Variants in LUZP2 observed in about 807,000 individuals in gnomAD.
LUZP2 encodes leucine zipper protein 2.
LUZP2 carries 52 observed loss-of-function variants against 51.6 expected under a neutral mutation model. That is an observed-to-expected ratio of 1.01 (90% CI 0.81 to 1.27). LUZP2 has a LOEUF of 1.27. Ranked by LOEUF, LUZP2 falls within the 50% of genes most tolerant of loss-of-function variation. The pLI, the probability that LUZP2 is intolerant of heterozygous loss-of-function variation, is 0.00. For missense variants in LUZP2, 436 were observed against 395.4 expected (o/e 1.10, Z -0.87); for synonymous variants, 154 against 137.3 (o/e 1.12, Z -0.85).
At position 24,497,319 on chromosome 11, in the gene LUZP2, C is replaced by T; in HGVS notation, c.62+14C>T. On this transcript the variant is annotated intron_variant, in intron 1 of 11. Coordinates refer to ENST00000336930, the MANE Select transcript of LUZP2 (RefSeq NM_001009909.4). ...CCTCAGCACCAGGTGAGTCCAGGAGCGTGAGTGACCTGAGGCCAGGGGCGC... is the reference window on the plus strand; with the variant it reads ...CCTCAGCACCAGGTGAGTCCAGGAGTGTGAGTGACCTGAGGCCAGGGGCGC... 3 of 1,516,972 alleles carry T rather than the reference C, an allele frequency of 2.0e-6. No homozygotes were observed. The highest frequency in any genetic ancestry group is 1.8e-6 in the Non-Finnish European group (2 of 1,125,466). 94.0% of individuals were successfully genotyped at this position (1,516,972 alleles called of 1,614,324 possible).
intron 4 of LUZP2, among the ~76,000 whole-genome samples, chr11:24,741,795 T>C (rs1859153284): frequency 6.9e-6 from 1 of 144,304 alleles, no homozygotes; most frequent in South Asian, 2.1e-4. Context: ...ATGGTTAATA[T>C]ATATATTATG....
At chr11:25,053,713 T>A (rs1858593715) in intron 10 of LUZP2, among the ~76,000 whole-genome samples, 1 of 152,204 alleles carries the variant, frequency 6.6e-6, no homozygotes, top group Admixed American at 6.5e-5. Context: ...TCTTTTGGAT[T>A]ATTTTTAATT....
chr11:24,574,131 T>C (rs1852529023), intron 1 of LUZP2, among the ~76,000 whole-genome samples: 2 of 151,160 alleles, frequency 1.3e-5, no homozygotes, highest in South Asian at 4.2e-4. Context: ...TTCCTTTCCT[T>C]TCTCTTTCTT....
intron 1 of LUZP2, among the ~76,000 whole-genome samples, chr11:24,674,193 G>A (rs772123163): frequency 6.6e-6 from 1 of 151,954 alleles, no homozygotes. Context: ...TTTACCATGG[G>A]CCTCTTGAAA....
At position 24,853,875 on chromosome 11, in the gene LUZP2, C is replaced by T. The variant is rs1228398215; in HGVS notation, c.397-52116C>T. On this transcript the variant is annotated intron_variant, in intron 5 of 11. Coordinates refer to ENST00000336930, the MANE Select transcript of LUZP2 (RefSeq NM_001009909.4). ...TTGTTAGTTTTCCTTCTAACAGGCCCCTCAGCTACAGGTCTGTTGGAGTTT... is the reference window on the plus strand; with the variant it reads ...TTGTTAGTTTTCCTTCTAACAGGCCTCTCAGCTACAGGTCTGTTGGAGTTT... Among the ~76,000 whole-genome samples the T allele has an allele frequency of 9.9e-5, 15 of 152,098 alleles. No homozygotes were observed. In the South Asian group the frequency reaches 2.7e-3, roughly 27 times the overall value.
At chr11:24,547,357 T>A (rs1271381897) in intron 1 of LUZP2, among the ~76,000 whole-genome samples, 1 of 152,018 alleles carries the variant, frequency 6.6e-6, no homozygotes, top group Non-Finnish European at 1.5e-5. Context: ...ATGGTACTGG[T>A]GCAAAAACAG....
At chr11:24,912,090 C>A (rs1408796356) in intron 6 of LUZP2, among the ~76,000 whole-genome samples, 1 of 151,958 alleles carries the variant, frequency 6.6e-6, no homozygotes, top group Non-Finnish European at 1.5e-5. Context: ...CTTACCCTTC[C>A]TTTCGTTTCC....
intron 7 of LUZP2, among the ~76,000 whole-genome samples, chr11:24,970,685 T>C (rs1385800519): frequency 6.6e-6 from 1 of 152,178 alleles, no homozygotes; most frequent in Admixed American, 6.6e-5. Flanking sequence ...AACACAGTTA[T>C]ACCTTCATGT....
intron 1 of LUZP2, among the ~76,000 whole-genome samples, chr11:24,658,813 T>C (rs558214259): frequency 1.3e-5 from 2 of 152,176 alleles, no homozygotes; most frequent in Admixed American, 6.5e-5. Context: ...AACAGACACA[T>C]GAAAAAATGC....
chr11:25,050,604 G>A (rs1475991356), intron 10 of LUZP2, among the ~76,000 whole-genome samples: 3 of 152,006 alleles, frequency 2.0e-5, no homozygotes, highest in Non-Finnish European at 4.4e-5. Context: ...GAGCCTGGCC[G>A]TAAATGTTCT....
intron 1 of LUZP2, among the ~76,000 whole-genome samples, chr11:24,505,282 C>T (rs1850113545): frequency 1.3e-5 from 2 of 151,956 alleles, no homozygotes; most frequent in Admixed American, 6.6e-5. Flanking sequence ...TAAATGGAGT[C>T]GGGGAGTTTA....
chr11:24,960,909 C>G (rs1386793316), intron 7 of LUZP2, among the ~76,000 whole-genome samples: 1 of 152,116 alleles, frequency 6.6e-6, no homozygotes, highest in Non-Finnish European at 1.5e-5. Context: ...CCTCTACAGA[C>G]TGCTTTGAAT....
At chr11:24,581,029 C>T (rs7949104) in intron 1 of LUZP2, among the ~76,000 whole-genome samples, 29,842 of 151,874 alleles carry the variant, frequency 0.2, 3,150 homozygotes, top group Middle Eastern at 0.35. Flanking sequence ...TCCAGTTATA[C>T]ATATTTCTCA....
At chr11:24,944,198 G>A (rs1854838593) in intron 7 of LUZP2, among the ~76,000 whole-genome samples, 1 of 151,958 alleles carries the variant, frequency 6.6e-6, no homozygotes, top group Non-Finnish European at 1.5e-5. Context: ...TCTGAGAAGG[G>A]GTCAAAGGCA....
chr11:24,977,330 T>C (rs1855907875), intron 8 of LUZP2, among the ~76,000 whole-genome samples: 1 of 151,802 alleles, frequency 6.6e-6, no homozygotes, highest in Middle Eastern at 3.4e-3. Context: ...GAATTATATG[T>C]ATAATATTTA....
At chr11:24,673,697 T>C (rs1856465882) in intron 1 of LUZP2, among the ~76,000 whole-genome samples, 1 of 152,180 alleles carries the variant, frequency 6.6e-6, no homozygotes, top group Admixed American at 6.5e-5. Context: ...GTTTAACAGA[T>C]ATGACATGTA....
chr11:24,718,737 T>A (rs902430390), intron 1 of LUZP2, among the ~76,000 whole-genome samples: 14 of 152,228 alleles, frequency 9.2e-5, no homozygotes, highest in African/African-American at 2.9e-4. Flanking sequence ...AGATGGAGAA[T>A]ACAGAAAACC....
chr11:24,627,117 C>G (rs1854710102), intron 1 of LUZP2, among the ~76,000 whole-genome samples: 1 of 152,118 alleles, frequency 6.6e-6, no homozygotes, highest in Admixed American at 6.6e-5. Context: ...TCTCCTAATA[C>G]AAGATGTGAG....
At chr11:24,763,560 T>G (rs111836340) in intron 5 of LUZP2, among the ~76,000 whole-genome samples, 1 of 152,208 alleles carries the variant, frequency 6.6e-6, no homozygotes, top group East Asian at 1.9e-4. Flanking sequence ...TTGTTTAGGG[T>G]GATATTAAAA....
Sources: gnomAD v4.1 joint callset for allele counts (sites outside exome capture counted in the v4.1 genomes callset) on GRCh38, gnomAD v4.1.1 for gene constraint, MANE v1.5 for transcripts, NCBI Gene and HGNC (gene_info 2026-07-23, HGNC 2026-07-21) for gene names.